Variants in NALCN observed in about 807,000 individuals in gnomAD.
NALCN encodes the protein sodium leak channel, non-selective.
Under a neutral mutation model 225.3 loss-of-function variants are expected in NALCN, and 111 were observed. The ratio of observed to expected loss-of-function variants is 0.49; its 90% CI spans 0.42 to 0.58. The LOEUF (loss-of-function observed/expected upper bound fraction) is 0.58, where lower values mean the gene tolerates loss of function less well. NALCN is among the 20% of genes least tolerant of loss of function. NALCN has a pLI of 0.00. For synonymous variants in NALCN, 764 were observed against 769.0 expected, an observed-to-expected ratio of 0.99 and a Z score of 0.11; for missense variants, 1,378 against 2,202.4, an observed-to-expected ratio of 0.63 and a Z score of 7.49.
chr13:101,281,911 T>C (rs1305017206), intron 10 of NALCN, among the ~76,000 whole-genome samples: 1 of 152,116 alleles, frequency 6.6e-6, no homozygotes, highest in Non-Finnish European at 1.5e-5. Context: ...AAAAAGTGCA[T>C]ACGATCCCTA....
chr13:101,257,209 G>GTTTTTTTTTTT (rs34334262), intron 11 of NALCN, among the ~76,000 whole-genome samples: 40 of 121,080 alleles, frequency 3.3e-4, no homozygotes, highest in Middle Eastern at 5.0e-3. Context: ...ATTGTTTATT[G>GTTTTTTTTTTT]TTTTTTTTTT....
At position 101,055,176 on chromosome 13, in the gene NALCN, A is replaced by G; in HGVS notation, c.*119T>C. 1 of 787,594 alleles carries G rather than the reference A, an allele frequency of 1.3e-6. No individual in the cohort carries two copies. The highest frequency in any genetic ancestry group is 2.0e-6 in the Non-Finnish European group (1 of 502,132). The allele number at this position is 787,594 out of a possible 1,614,324, so 48.8% of individuals were successfully genotyped here. A position where few individuals can be genotyped will look rare whatever the true frequency, so the allele number is the denominator to read the frequency against. ...TGGCAGGATGAAAATCAATTTATAA[A>G]CATCTTGTGACAAGCTGGAATTCAG... On this transcript the variant is annotated 3_prime_UTR_variant, in exon 44 of 44. Transcript: ENST00000251127.
rs2043333529 is a variant in NALCN at position 101,286,230 on chromosome 13, C to CTTTGT, written c.1048-2212_1048-2211insACAAA. On this transcript the variant is annotated intron_variant, in intron 9 of 43. Coordinates refer to ENST00000251127, the MANE Select transcript of NALCN (RefSeq NM_052867.4). ...TTGCGGGGAGCGTGGCAGGGACTGC[C>CTTTGT]AGTCTTTCCTTTGTATCTCTTTTCC... Among the ~76,000 whole-genome samples, 4 of 152,298 alleles carry CTTTGT rather than the reference C, an allele frequency of 2.6e-5. No individual in the cohort carries two copies. The South Asian group carries it at 8.3e-4, about 32-fold the overall frequency.
chr13:101,091,188 C>T (rs2139556799), intron 28 of NALCN, among the ~76,000 whole-genome samples: 1 of 152,166 alleles, frequency 6.6e-6, no homozygotes, highest in South Asian at 2.1e-4. Flanking sequence ...AAATCATGGA[C>T]TATATTTCTT....
intron 22 of NALCN, among the ~76,000 whole-genome samples, 168 bp from the exon 23 acceptor site, chr13:101,105,118 T>G (rs1190421209): frequency 2.6e-5 from 4 of 152,194 alleles, no homozygotes; most frequent in Non-Finnish European, 5.9e-5. Flanking sequence ...TCAGAGAACA[T>G]TGATGAAAGA....
chr13:101,338,522 T>A (rs1415440075), intron 7 of NALCN, among the ~76,000 whole-genome samples: 1 of 152,222 alleles, frequency 6.6e-6, no homozygotes, highest in East Asian at 1.9e-4. Context: ...GAATGAAGGG[T>A]TCAAATAACC....
chr13:101,284,657 G>A (rs9554768), intron 9 of NALCN, among the ~76,000 whole-genome samples: 10,690 of 152,232 alleles, frequency 0.07, 653 homozygotes, highest in East Asian at 0.24. Context: ...AACCTGCTCA[G>A]CAGAAATTTT....
chr13:101,413,873 CA>C lies in NALCN; in HGVS notation c.-40+2439del, dbSNP rs201328757. Reference sequence around the variant, plus strand: ...CTAAAATGTTGATAACATTTTGGGACAGGGGCATTCTTTTTTTATTTTTAAA... The same window carrying C: ...CTAAAATGTTGATAACATTTTGGGACGGGGCATTCTTTTTTTATTTTTAAA... On this transcript the variant is annotated intron_variant, in intron 1 of 43. Transcript: ENST00000251127. 8.1e-4 allele frequency among the ~76,000 whole-genome samples: 123 copies of C among 152,134 alleles called. 3 individuals are homozygous for C. The East Asian group carries it at 0.022, about 28-fold the overall frequency.
intron 13 of NALCN, among the ~76,000 whole-genome samples, chr13:101,197,127 T>C (rs1218516445): frequency 1.3e-5 from 2 of 152,182 alleles, no homozygotes; most frequent in Non-Finnish European, 2.9e-5. Flanking sequence ...GTGGTTCTTA[T>C]CACTTTCCAG....
chr13:101,056,849 G>T (rs2031327825), intron 43 of NALCN: 1 of 152,118 alleles, frequency 6.6e-6, no homozygotes, highest in Non-Finnish European at 1.5e-5. Flanking sequence ...GCTCCTAATT[G>T]CCTACAGGAT....
chr13:101,376,112 T>G (rs550450510), intron 6 of NALCN, among the ~76,000 whole-genome samples: 18 of 152,296 alleles, frequency 1.2e-4, no homozygotes, highest in African/African-American at 4.3e-4. Flanking sequence ...TAGGAAACTA[T>G]TTTAGGGAAT....
chr13:101,393,348 AT>A (rs2047197137), intron 3 of NALCN, among the ~76,000 whole-genome samples: 2 of 152,346 alleles, frequency 1.3e-5, no homozygotes, highest in African/African-American at 4.8e-5. Flanking sequence ...ACCTGTGCGC[AT>A]TGCTGGTCAA....
At chr13:101,188,694 A>T (rs12431043) in intron 14 of NALCN, among the ~76,000 whole-genome samples, 25,581 of 134,048 alleles carry the variant, frequency 0.19, 2,598 homozygotes, top group East Asian at 0.38. Flanking sequence ...ATATATATAT[A>T]TTTTTTTGAG....
At chr13:101,247,895 T>C (rs2041948032) in intron 11 of NALCN, among the ~76,000 whole-genome samples, 1 of 152,126 alleles carries the variant, frequency 6.6e-6, no homozygotes, top group African/African-American at 2.4e-5. Flanking sequence ...CAGCTCCCAC[T>C]TATAAGTGAG....
chr13:101,141,792 T>C (rs2139780799), intron 17 of NALCN, among the ~76,000 whole-genome samples: 1 of 152,206 alleles, frequency 6.6e-6, no homozygotes. Context: ...GATGAAACAG[T>C]TGGCATTTTA....
chr13:101,370,483 A>G lies in NALCN; in HGVS notation c.644+6217T>C, dbSNP rs1368280542. ...GGAAGACCAGGTCTTGAGCCCATGT[A>G]AAGCTGAAAGCTGGAAATATGACCC... On this transcript the variant is annotated intron_variant, in intron 6 of 43. Transcript: ENST00000251127. Among the ~76,000 whole-genome samples, 5 of 152,354 alleles carry G rather than the reference A, an allele frequency of 3.3e-5. 1 individual carries two copies. In the East Asian group the frequency reaches 9.7e-4, roughly 29 times the overall value.
At chr13:101,081,486 C>G in intron 34 of NALCN, 41 bp downstream of exon 34, 1 of 1,613,214 alleles carries the variant, frequency 6.2e-7, no homozygotes, top group Non-Finnish European at 8.5e-7. Context: ...CTGAACCAAA[C>G]TGAAATAATC....
chr13:101,332,397 C>CAAAAAAAAAAAAAA (rs753158247), intron 7 of NALCN, among the ~76,000 whole-genome samples: 4 of 57,828 alleles, frequency 6.9e-5, no homozygotes, highest in Non-Finnish European at 1.2e-4. Context: ...TTCACAAAGC[C>CAAAAAAAAAAAAAA]AAAAAAAAAA....
intron 7 of NALCN, among the ~76,000 whole-genome samples, chr13:101,326,841 G>A (rs768292191): frequency 6.6e-6 from 1 of 152,154 alleles, no homozygotes; most frequent in African/African-American, 2.4e-5. Context: ...GTCGGAGAAG[G>A]CTTTGTTCAG....
Sources: gnomAD v4.1 joint callset for allele counts (sites outside exome capture counted in the v4.1 genomes callset) on GRCh38, gnomAD v4.1.1 for gene constraint, MANE v1.5 for transcripts, NCBI Gene and HGNC (gene_info 2026-07-23, HGNC 2026-07-21) for gene names.